Variants in RALGAPB observed in about 807,000 individuals in gnomAD.
RALGAPB encodes the protein ral GTPase-activating protein subunit beta.
RALGAPB carries 25 observed loss-of-function variants against 161.1 expected under a neutral mutation model. The ratio of observed to expected loss-of-function variants is 0.16; its 90% CI spans 0.11 to 0.22. The LOEUF is 0.22. Among genes scored for constraint, RALGAPB ranks in the 10% least tolerant of loss-of-function variants. The pLI, the probability that RALGAPB is intolerant of heterozygous loss-of-function variation, is 1.00. For synonymous variants in RALGAPB, 629 were observed against 626.1 expected (o/e 1.00, Z -0.07); for missense variants, 1,391 against 1,815.2 (o/e 0.77, Z 4.25).
chr20:38,554,742 A>T (rs16987386), intron 22 of RALGAPB, among the ~76,000 whole-genome samples: 6,020 of 152,300 alleles, frequency 0.04, 190 homozygotes, highest in African/African-American at 0.093. Context: ...AAGCCAGCCT[A>T]TAAGATAAAT....
Position 38,499,522 on chromosome 20 carries a change from G to A in RALGAPB, c.629G>A (p.Cys210Tyr). ...GTGTGGTTACTAGCTTGTACTCGGT[G>A]CTTCCCAACACCTCCTTATTGGAAA... ...FEVWLLACTR[C>Y]FPTPPYWKTA... The change falls in exon 5 of 30, where the codon TGC (cysteine) becomes TAC (tyrosine). Residue 210 changes from cysteine to tyrosine, a missense_variant. Cys to Tyr is a radical substitution (Grantham distance 194). Coordinates refer to ENST00000262879, the MANE Select transcript of RALGAPB (RefSeq NM_020336.4). 1.2e-6 allele frequency: 2 copies of A among 1,613,788 alleles called. No individual in the cohort carries two copies.
intron 6 of RALGAPB, among the ~76,000 whole-genome samples, chr20:38,515,338 T>A (rs577040808): frequency 4.6e-5 from 7 of 152,248 alleles, no homozygotes; most frequent in Admixed American, 3.9e-4. Flanking sequence ...TATAGATCAC[T>A]GATTCCTATT....
At chr20:38,517,406 T>C (rs1166995282) in intron 7 of RALGAPB, 100 bp from the exon 8 acceptor site, 6 of 1,213,928 alleles carry the variant, frequency 4.9e-6, no homozygotes, top group Non-Finnish European at 6.8e-6. Context: ...TGCTATAGTC[T>C]ATGTGTCCCA....
At chr20:38,574,745 C>T (rs371707033) in intron 29 of RALGAPB, 29 bp from the exon 30 acceptor site, 21 of 1,586,212 alleles carry the variant, frequency 1.3e-5, no homozygotes, top group South Asian at 4.4e-5. Context: ...TAGTTTCTAA[C>T]GTTTATTTTA....
intron 22 of RALGAPB, among the ~76,000 whole-genome samples, chr20:38,554,399 A>C (rs2087503681): frequency 6.6e-6 from 1 of 152,226 alleles, no homozygotes; most frequent in Non-Finnish European, 1.5e-5. Context: ...GAAGAATGTT[A>C]AAAATCTTCC....
intron 7 of RALGAPB, 145 bp from the exon 8 acceptor site, chr20:38,517,361 T>C (rs1555876040): frequency 1.5e-6 from 1 of 668,382 alleles, no homozygotes; most frequent in Non-Finnish European, 2.3e-6. Context: ...CAGGAAGAAA[T>C]AGTGAGTAGA....
chr20:38,542,367 T>G (rs895437674), intron 18 of RALGAPB, among the ~76,000 whole-genome samples: 1 of 152,190 alleles, frequency 6.6e-6, no homozygotes, highest in African/African-American at 2.4e-5. Context: ...TTTGTTTCTA[T>G]TCCTGTGGGC....
At chr20:38,498,810 C>A (rs918925873) in intron 4 of RALGAPB, among the ~76,000 whole-genome samples, 7 of 152,184 alleles carry the variant, frequency 4.6e-5, no homozygotes, top group African/African-American at 1.7e-4. Flanking sequence ...CTGTCCTTCC[C>A]AACACCAGTC....
At position 38,514,285 on chromosome 20, in the gene RALGAPB, C is replaced by G. The variant is rs28367521; in HGVS notation, c.873-1907C>G. 2.0e-5 allele frequency among the ~76,000 whole-genome samples: 3 copies of G among 152,190 alleles called. No individual in the cohort carries two copies. In the South Asian group the frequency reaches 6.2e-4, roughly 32 times the overall value. On this transcript the variant is annotated intron_variant, in intron 6 of 29. Coordinates refer to ENST00000262879, the MANE Select transcript of RALGAPB (RefSeq NM_020336.4). ...TGTTCTTTCTCCAGCAGGCTTGCTC[C>G]TGGGTCCCTTTTTCCTCCTGCCTTT...
At chr20:38,477,241 T>G (rs1379864368) in intron 1 of RALGAPB, among the ~76,000 whole-genome samples, 3 of 152,198 alleles carry the variant, frequency 2.0e-5, no homozygotes, top group Non-Finnish European at 4.4e-5. Flanking sequence ...CTATTAAAAT[T>G]AAAAGTTTTT....
chr20:38,492,893 G>A (rs1407380760), intron 2 of RALGAPB, 37 bp from the exon 3 acceptor site: 8 of 1,504,434 alleles, frequency 5.3e-6, no homozygotes, highest in East Asian at 2.3e-5. Context: ...AGATAGGAAC[G>A]TGTAATAATT....
intron 5 of RALGAPB, among the ~76,000 whole-genome samples, chr20:38,500,782 C>T (rs1380786694): frequency 6.6e-6 from 1 of 152,144 alleles, no homozygotes; most frequent in Non-Finnish European, 1.5e-5. Context: ...TGCTACACCA[C>T]TGAACACAGG....
Position 38,551,098 on chromosome 20 carries a change from C to G in RALGAPB, c.3037C>G (p.Pro1013Ala). 7 of 1,613,824 alleles carry G rather than the reference C, an allele frequency of 4.3e-6. No individual in the cohort carries two copies. The highest frequency in any genetic ancestry group is 5.9e-6 in the Non-Finnish European group (7 of 1,179,826). ...KLFVPEPRPV[P>A]KNDVGFKYSV... ...TTTTGTACCTGAACCTCGCCCAGTT[C>G]CTAAAAATGACGTTGGATTTAAATA... Residue 1013 changes from proline (P) to alanine (A), a missense_variant, in exon 21 of 30, where the codon CCT becomes GCT. Coordinates refer to ENST00000262879, the MANE Select transcript of RALGAPB (RefSeq NM_020336.4).
At chr20:38,482,704 C>T (rs1277085864) in intron 1 of RALGAPB, among the ~76,000 whole-genome samples, 2 of 152,194 alleles carry the variant, frequency 1.3e-5, no homozygotes, top group East Asian at 3.8e-4. Context: ...CCTGGGATTA[C>T]AGGCGTGAGC....
In RALGAPB at chr20:38,571,180, T is replaced by G. The variant is rs972391767; in HGVS notation, c.4142+333T>G. On this transcript the variant is annotated intron_variant, in intron 28 of 29. Transcript: ENST00000262879. ...GAACACTTCTACCATCTCCAGAAGT[T>G]TTCTCCTGCCCACTTAATTCATTAT... Among the ~76,000 whole-genome samples the G allele has an allele frequency of 6.6e-5, 10 of 152,158 alleles. 1 individual carries two copies. The highest frequency in any genetic ancestry group is 1.5e-4 in the Non-Finnish European group (10 of 68,020).
chr20:38,535,183 A>G lies in RALGAPB; in HGVS notation c.2355A>G (p.Leu785=), dbSNP rs17854466. The G allele has an allele frequency of 1.2e-6, 2 of 1,614,232 alleles. No individual in the cohort carries two copies. Among genetic ancestry groups the G allele is most frequent in the African/African-American group, 2.7e-5 (2 of 75,062 alleles). ...ACATGAGCATATCACTGGCAGCTCT[A>G]GAGCTCCTCTCTGGCCTTGCAAAGG... ...RQDMSISLAA[L]ELLSGLAKVK... Residue 785 remains leucine (L), a synonymous_variant, in exon 16 of 30, where the codon CTA becomes CTG. Transcript: ENST00000262879.
intron 1 of RALGAPB, among the ~76,000 whole-genome samples, chr20:38,485,448 A>G (rs756369325): frequency 1.3e-5 from 2 of 151,622 alleles, no homozygotes; most frequent in Non-Finnish European, 2.9e-5. Flanking sequence ...TTTTTTTGAG[A>G]TGGAGTCTTG....
intron 1 of RALGAPB, among the ~76,000 whole-genome samples, chr20:38,485,714 A>G (rs2122847004): frequency 6.6e-6 from 1 of 152,310 alleles, no homozygotes; most frequent in Non-Finnish European, 1.5e-5. Context: ...GGTGTGAGCC[A>G]GAGTTGAGTT....
At chr20:38,549,671 G>A (rs892986543) in intron 20 of RALGAPB, among the ~76,000 whole-genome samples, 2 of 151,618 alleles carry the variant, frequency 1.3e-5, no homozygotes, top group African/African-American at 2.4e-5. Flanking sequence ...TTGTAATTAT[G>A]TGAATAATAC....
Sources: gnomAD v4.1 joint callset for allele counts (sites outside exome capture counted in the v4.1 genomes callset) on GRCh38, gnomAD v4.1.1 for gene constraint, MANE v1.5 for transcripts, NCBI Gene and HGNC (gene_info 2026-07-23, HGNC 2026-07-21) for gene names.